The following CCDC3 variants were observed in gnomAD, a reference collection of about 807,000 sequenced individuals.
CCDC3 encodes coiled-coil domain-containing protein 3.
A neutral mutation model predicts 21.4 loss-of-function variants in CCDC3; 24 were observed. The observed-to-expected ratio is 1.12, with a 90% confidence interval of 0.81 to 1.58. CCDC3 has a LOEUF of 1.58. Among genes scored for constraint, CCDC3 ranks in the 40% most tolerant of loss-of-function variants. The pLI, the probability that CCDC3 is intolerant of heterozygous loss-of-function variation, is 0.00. For synonymous variants in CCDC3, 186 were observed against 166.0 expected, an observed-to-expected ratio of 1.12 and a Z score of -0.93; for missense variants, 425 against 360.9, an observed-to-expected ratio of 1.18 and a Z score of -1.44.
At chr10:13,005,263 C>T (rs1835912930), upstream of CCDC3, among the ~76,000 whole-genome samples, 1 of 152,230 alleles carries the variant, frequency 6.6e-6, no homozygotes, top group African/African-American at 2.4e-5. Context: ...ATTTCTTCCT[C>T]ATTCAACTGG....
chr10:12,963,447 A>G (rs934915089), intron 2 of CCDC3, among the ~76,000 whole-genome samples: 1 of 152,224 alleles, frequency 6.6e-6, no homozygotes. Context: ...AACACTTTCT[A>G]AAGAGTTTCA....
chr10:12,947,989 C>G (rs1589017562), intron 2 of CCDC3, among the ~76,000 whole-genome samples: 2 of 152,202 alleles, frequency 1.3e-5, no homozygotes, highest in Non-Finnish European at 2.9e-5. Context: ...CACATGCAGC[C>G]TGACTCCAGA....
At chr10:12,937,627 T>TA (rs1589013645) in intron 2 of CCDC3, among the ~76,000 whole-genome samples, 1 of 152,100 alleles carries the variant, frequency 6.6e-6, no homozygotes, top group East Asian at 1.9e-4. Flanking sequence ...AAAGAGCCCA[T>TA]AAGCTTCCTC....
At chr10:13,061,689 AGAT>A (rs1836759729) in intron 4 of CCDC3, among the ~76,000 whole-genome samples, 2 of 152,204 alleles carry the variant, frequency 1.3e-5, no homozygotes, top group African/African-American at 4.8e-5. Flanking sequence ...TTCAGGCTAC[AGAT>A]AAACTTAAAC....
chr10:12,973,653 A>G (rs539109706), intron 2 of CCDC3, among the ~76,000 whole-genome samples: 2 of 152,204 alleles, frequency 1.3e-5, no homozygotes, highest in African/African-American at 2.4e-5. Flanking sequence ...TCGTTACCCA[A>G]CTTCTACTGG....
chr10:13,077,162 T>C (rs1253015631), intron 3 of CCDC3, among the ~76,000 whole-genome samples: 1 of 152,102 alleles, frequency 6.6e-6, no homozygotes, highest in African/African-American at 2.4e-5. Context: ...TTCAGCAAAA[T>C]CTCAGGATAC....
At chr10:13,082,792 CT>C (rs1486800598) in intron 3 of CCDC3, among the ~76,000 whole-genome samples, 6 of 151,906 alleles carry the variant, frequency 3.9e-5, no homozygotes, top group African/African-American at 1.5e-4. Context: ...CCTTCAGCTC[CT>C]ATCTCTGTAT....
chr10:12,926,044 C>A (rs1834531723), intron 2 of CCDC3, among the ~76,000 whole-genome samples: 1 of 152,228 alleles, frequency 6.6e-6, no homozygotes, highest in Non-Finnish European at 1.5e-5. Flanking sequence ...AGCAGAGGGA[C>A]TGCTGGCTGC....
intron 2 of CCDC3, among the ~76,000 whole-genome samples, chr10:12,981,960 T>TA (rs1835504146): frequency 6.6e-6 from 1 of 151,142 alleles, no homozygotes; most frequent in South Asian, 2.1e-4. Context: ...CTGTCTTTAC[T>TA]AAAAATACAA....
intron 2 of CCDC3, among the ~76,000 whole-genome samples, chr10:12,907,047 GA>G (rs1400191621): frequency 1.3e-5 from 2 of 152,100 alleles, no homozygotes; most frequent in African/African-American, 2.4e-5. Context: ...TTCCTATAAG[GA>G]AGAGCCCTGT....
intron 2 of CCDC3, among the ~76,000 whole-genome samples, chr10:12,995,503 A>T (rs566623606): frequency 1.3e-5 from 2 of 152,198 alleles, no homozygotes; most frequent in Non-Finnish European, 2.9e-5. Context: ...CGGCCTCCCA[A>T]TGTGCTGGGA....
At chr10:12,909,843 G>T (rs1362641812) in intron 2 of CCDC3, among the ~76,000 whole-genome samples, 4 of 152,136 alleles carry the variant, frequency 2.6e-5, no homozygotes, top group Non-Finnish European at 4.4e-5. Context: ...ACTTTTCAGG[G>T]TCTAGGGTAT....
At chr10:13,045,967 A>C (rs1166439133) in intron 5 of CCDC3, among the ~76,000 whole-genome samples, 2 of 151,234 alleles carry the variant, frequency 1.3e-5, no homozygotes, top group South Asian at 4.2e-4. Context: ...CATGCACCTG[A>C]AATCCCAGCT....
intron 2 of CCDC3, among the ~76,000 whole-genome samples, chr10:12,922,590 G>A (rs1454415513): frequency 6.6e-6 from 1 of 152,122 alleles, no homozygotes; most frequent in Non-Finnish European, 1.5e-5. Context: ...TATTCTAGAA[G>A]ACAACCTCCC....
intron 2 of CCDC3, among the ~76,000 whole-genome samples, chr10:12,922,577 T>A (rs1357761406): frequency 6.6e-6 from 1 of 152,162 alleles, no homozygotes; most frequent in Non-Finnish European, 1.5e-5. Flanking sequence ...AGCTGTCACA[T>A]TCTATTCTAG....
intron 2 of CCDC3, among the ~76,000 whole-genome samples, chr10:12,925,289 C>G (rs1834518088): frequency 6.6e-6 from 1 of 152,184 alleles, no homozygotes; most frequent in African/African-American, 2.4e-5. Context: ...GGTCCCCAAA[C>G]TGGGTTGTAC....
At chr10:12,998,789 G>C (rs941922764) in intron 1 of CCDC3, among the ~76,000 whole-genome samples, 2 of 152,166 alleles carry the variant, frequency 1.3e-5, no homozygotes, top group Non-Finnish European at 2.9e-5. Flanking sequence ...AGTCCCCCAA[G>C]GGGTCTTCCT....
intron 4 of CCDC3, chr10:13,058,732 T>C (rs1836714612): frequency 3.7e-6 from 1 of 267,548 alleles, no homozygotes; most frequent in East Asian, 7.4e-5. Flanking sequence ...GGCCTATTAC[T>C]TGCAGTTAAA....
chr10:13,003,450 C>A (rs1334417124), upstream of CCDC3, among the ~76,000 whole-genome samples: 3 of 152,170 alleles, frequency 2.0e-5, no homozygotes, highest in Non-Finnish European at 4.4e-5. Context: ...TTAACTACAA[C>A]ACTAGAATAG....
Sources: allele counts gnomAD v4.1 joint callset (sites outside exome capture counted in the v4.1 genomes callset), GRCh38; gene constraint gnomAD v4.1.1; transcripts MANE v1.5; gene names NCBI Gene and HGNC (gene_info 2026-07-23, HGNC 2026-07-21).